SPRR2B: variants seen among roughly 807,000 people sequenced by gnomAD.
The protein encoded by SPRR2B is small proline rich protein 2B.
Under a neutral mutation model 1.0 loss-of-function variants are expected in SPRR2B, and 1 was observed. The observed-to-expected ratio is 1.01, with a 90% confidence interval of 0.36 to 4.77. The LOEUF (loss-of-function observed/expected upper bound fraction) is 4.77, where lower values mean the gene tolerates loss of function less well. SPRR2B is among the 30% of genes most tolerant of loss of function. The probability of loss-of-function intolerance (pLI) is 0.16; values close to 1 mark genes in which losing one functional copy is unlikely to be tolerated. For missense variants in SPRR2B, 53 were observed against 88.7 expected, an observed-to-expected ratio of 0.60 and a Z score of 1.62; for synonymous variants, 27 against 33.4, an observed-to-expected ratio of 0.81 and a Z score of 0.66.
At chr1:153,080,143 A>G in the SPRR2B span, among the ~76,000 whole-genome samples, 1 of 152,170 alleles carries the variant, frequency 6.6e-6, no homozygotes, top group South Asian at 2.1e-4. Context: ...AAAGCTATAA[A>G]CCTACATTTA....
chr1:153,077,984 A>G, the SPRR2B span, among the ~76,000 whole-genome samples: 1 of 152,226 alleles, frequency 6.6e-6, no homozygotes, highest in Non-Finnish European at 1.5e-5. Flanking sequence ...TCATTTTACT[A>G]CAAAAAAAAT....
chr1:153,081,996 G>A, the SPRR2B span, among the ~76,000 whole-genome samples: 1 of 152,020 alleles, frequency 6.6e-6, no homozygotes. Context: ...TGTATTTTTA[G>A]TAGAGACAGT....
At chr1:153,087,528 T>A in the SPRR2B span, among the ~76,000 whole-genome samples, 1 of 150,782 alleles carries the variant, frequency 6.6e-6, no homozygotes, top group African/African-American at 2.5e-5. Context: ...AAGAAAAAGA[T>A]CCAAATAAAC....
Position 153,070,511 on chromosome 1 carries a change from G to A in SPRR2B, c.*110C>T. ...CAGATCACAGGCTAAGGGGAAAGAA[G>A]CTCCCTATGAATCCATGATAAGCTT... On this transcript the variant is annotated 3_prime_UTR_variant, in exon 2 of 2. Transcript: ENST00000368755. 1 of 1,522,988 alleles carries A rather than the reference G, an allele frequency of 6.6e-7. No individual in the cohort carries two copies. The highest frequency in any genetic ancestry group is 2.1e-5 in the Admixed American group (1 of 48,238). The allele number at this position is 1,522,988 out of a possible 1,614,324, so 94.3% of individuals were successfully genotyped here.
the SPRR2B span, among the ~76,000 whole-genome samples, chr1:153,081,905 C>G: frequency 6.6e-6 from 1 of 151,554 alleles, no homozygotes; most frequent in African/African-American, 2.4e-5. Context: ...TCACTGCAAC[C>G]TCCGCCTCTG....
the SPRR2B span, among the ~76,000 whole-genome samples, chr1:153,086,070 A>G: frequency 1.3e-5 from 2 of 152,218 alleles, no homozygotes; most frequent in African/African-American, 2.4e-5. Context: ...ATCAGCAACT[A>G]CAGAAACACA....
the SPRR2B span, among the ~76,000 whole-genome samples, chr1:153,077,246 G>A: frequency 6.6e-6 from 1 of 152,116 alleles, no homozygotes; most frequent in Non-Finnish European, 1.5e-5. Context: ...TTCTATAGCT[G>A]GCAAAATTGT....
the SPRR2B span, among the ~76,000 whole-genome samples, chr1:153,078,578 T>A: frequency 1.3e-5 from 2 of 151,482 alleles, no homozygotes; most frequent in Non-Finnish European, 2.9e-5. Context: ...GTGTTCTCAT[T>A]GTTCAATTCC....
chr1:153,073,883 T>A (rs1406899860), upstream of SPRR2B, among the ~76,000 whole-genome samples: 1 of 152,210 alleles, frequency 6.6e-6, no homozygotes, highest in Non-Finnish European at 1.5e-5. Flanking sequence ...TACTTAAAAA[T>A]GACAGGAAAG....
upstream of SPRR2B, among the ~76,000 whole-genome samples, chr1:153,075,834 A>G (rs1351046172): frequency 6.6e-6 from 1 of 152,218 alleles, no homozygotes; most frequent in Non-Finnish European, 1.5e-5. Flanking sequence ...GTGTGCAGAA[A>G]TAATAAGGTA....
chr1:153,084,074 G>A, the SPRR2B span, among the ~76,000 whole-genome samples: 23 of 152,148 alleles, frequency 1.5e-4, no homozygotes, highest in Non-Finnish European at 8.8e-5. Flanking sequence ...GTGACTTTGG[G>A]ACCCACATTT....
At chr1:153,079,130 T>A in the SPRR2B span, among the ~76,000 whole-genome samples, 2 of 152,262 alleles carry the variant, frequency 1.3e-5, no homozygotes, top group Non-Finnish European at 2.9e-5. Flanking sequence ...TGAGCATTTT[T>A]TCACGTGTCT....
the SPRR2B span, among the ~76,000 whole-genome samples, chr1:153,087,306 T>G: frequency 4.6e-5 from 7 of 151,488 alleles, no homozygotes; most frequent in South Asian, 1.5e-3. Context: ...TCTGGAAAGA[T>G]CTCAATGCAA....
the SPRR2B span, among the ~76,000 whole-genome samples, chr1:153,077,423 A>C: frequency 6.6e-6 from 1 of 152,232 alleles, no homozygotes; most frequent in African/African-American, 2.4e-5. Context: ...TGATAAATGT[A>C]CACTGGTACA....
chr1:153,080,281 G>GA, the SPRR2B span, among the ~76,000 whole-genome samples: 7 of 152,130 alleles, frequency 4.6e-5, no homozygotes, highest in African/African-American at 1.4e-4. Context: ...ATAAAAGTTT[G>GA]AAAAAATAGA....
chr1:153,078,706 T>C, the SPRR2B span, among the ~76,000 whole-genome samples: 1 of 152,352 alleles, frequency 6.6e-6, no homozygotes, highest in Non-Finnish European at 1.5e-5. Flanking sequence ...TCACTTTTTA[T>C]GGCTGCATAG....
chr1:153,082,117 GATACT>G, the SPRR2B span, among the ~76,000 whole-genome samples: 2 of 151,412 alleles, frequency 1.3e-5, no homozygotes. Context: ...ATAACTTTAG[GATACT>G]ATACATAATC....
chr1:153,081,930 T>C, the SPRR2B span, among the ~76,000 whole-genome samples: 1 of 151,846 alleles, frequency 6.6e-6, no homozygotes. Flanking sequence ...CAAGCAATTA[T>C]CTTGCCTTTT....
upstream of SPRR2B, among the ~76,000 whole-genome samples, chr1:153,076,417 T>G (rs1267970421): frequency 6.6e-6 from 1 of 152,184 alleles, no homozygotes; most frequent in African/African-American, 2.4e-5. Context: ...TTCAGATACT[T>G]CTACTTGTAA....
Sources: allele counts gnomAD v4.1 joint callset (sites outside exome capture counted in the v4.1 genomes callset), GRCh38; gene constraint gnomAD v4.1.1; transcripts MANE v1.5; gene names NCBI Gene and HGNC (gene_info 2026-07-23, HGNC 2026-07-21).